CPQ: variants seen among roughly 807,000 people sequenced by gnomAD.
CPQ encodes carboxypeptidase Q, also known as Ser-Met dipeptidase.
Under a neutral mutation model 45.7 loss-of-function variants are expected in CPQ, and 37 were observed. The observed-to-expected ratio is 0.81, with a 90% CI of 0.62 to 1.07. The LOEUF (loss-of-function observed/expected upper bound fraction) is 1.07. Ranked by LOEUF, CPQ falls within the 50% of genes least tolerant of loss-of-function variation. The probability of loss-of-function intolerance (pLI) is 0.00; values close to 1 mark genes in which losing one functional copy is unlikely to be tolerated. For missense variants in CPQ, 537 were observed against 572.9 expected (o/e 0.94, Z 0.64); for synonymous variants, 186 against 205.8 (o/e 0.90, Z 0.82).
At chr8:96,684,163 G>A (rs1809192488) in intron 1 of CPQ, among the ~76,000 whole-genome samples, 1 of 152,096 alleles carries the variant, frequency 6.6e-6, no homozygotes, top group African/African-American at 2.4e-5. Flanking sequence ...CATAACAATT[G>A]CTTCTGATTT....
At chr8:96,907,829 T>C (rs1812598302) in intron 4 of CPQ, among the ~76,000 whole-genome samples, 2 of 152,186 alleles carry the variant, frequency 1.3e-5, no homozygotes, top group African/African-American at 2.4e-5. Context: ...CCTATCCTAC[T>C]GTTAATAAAT....
chr8:96,965,906 A>AT (rs764888520), intron 4 of CPQ, 29 bp from the exon 5 acceptor site: 1 of 1,447,488 alleles, frequency 6.9e-7, no homozygotes, highest in Non-Finnish European at 9.3e-7. Flanking sequence ...GCTTAGTTTT[A>AT]TTTTTTAACT....
At chr8:96,870,657 G>T (rs968077155) in intron 3 of CPQ, among the ~76,000 whole-genome samples, 2 of 151,914 alleles carry the variant, frequency 1.3e-5, no homozygotes, top group Admixed American at 6.6e-5. Context: ...TCCTTCACAG[G>T]GTTGTAATAA....
intron 7 of CPQ, among the ~76,000 whole-genome samples, chr8:97,084,836 G>GTC (rs1004495853): frequency 2.1e-4 from 32 of 151,278 alleles, no homozygotes; most frequent in African/African-American, 7.8e-4. Context: ...GTGTGTGTGT[G>GTC]TCTCTCTGTG....
In CPQ at chr8:96,880,572, T is replaced by TAC. The variant is rs1162658536; in HGVS notation, c.849+568_849+569insCA. ...ATATATATATATATATATATATATA[T>TAC]ATATACCATGGAATACTACCCAGCC... On this transcript the variant is annotated intron_variant, in intron 4 of 7. Coordinates refer to ENST00000220763, the MANE Select transcript of CPQ (RefSeq NM_016134.4). Among the ~76,000 whole-genome samples, 28 of 67,508 alleles carry TAC rather than the reference T, an allele frequency of 4.1e-4. 1 individual carries two copies. The highest frequency in any genetic ancestry group is 5.1e-4 in the Non-Finnish European group (17 of 33,212). 44.3% of individuals were successfully genotyped at this position (67,508 alleles called of 152,430 possible).
intron 1 of CPQ, among the ~76,000 whole-genome samples, chr8:96,663,947 A>C (rs967397330): frequency 6.6e-6 from 1 of 152,206 alleles, no homozygotes; most frequent in African/African-American, 2.4e-5. Flanking sequence ...TATAAATTAA[A>C]AAAAAACTGT....
Position 96,930,389 on chromosome 8 carries a change from T to C in CPQ, c.850-35546T>C, listed in dbSNP as rs529567909. Reference sequence around the variant, plus strand: ...TAGAGCATTTATCTCACTTGGTAGCTCCCCCAGTGGAATTGAAGTCCACAG... The same window carrying C: ...TAGAGCATTTATCTCACTTGGTAGCCCCCCCAGTGGAATTGAAGTCCACAG... On this transcript the variant is annotated intron_variant, in intron 4 of 7. Coordinates refer to ENST00000220763, the MANE Select transcript of CPQ (RefSeq NM_016134.4). Among the ~76,000 whole-genome samples, 6 of 152,270 alleles carry C rather than the reference T, an allele frequency of 3.9e-5. No homozygotes were observed. The East Asian group carries it at 5.8e-4, about 15-fold the overall frequency.
chr8:96,645,839 G>T (rs1286767543), intron 1 of CPQ, among the ~76,000 whole-genome samples: 1 of 150,760 alleles, frequency 6.6e-6, no homozygotes, highest in Non-Finnish European at 1.5e-5. Context: ...GGTTCCTTTC[G>T]CATTTTACCG....
chr8:96,785,291 A>T lies in CPQ; in HGVS notation c.394A>T (p.Ile132Phe). The T allele has an allele frequency of 6.2e-7, 1 of 1,612,142 alleles. No individual in the cohort carries two copies. Among genetic ancestry groups the T allele is most frequent in the Non-Finnish European group, 8.5e-7 (1 of 1,178,658 alleles). ...MLEPRIHKIA[I>F]LGLGSSIGTP... ...GGAGCCAAGAATTCATAAGATAGCC[A>T]TCCTGGGTCTTGGCAGCAGCATTGG... The change falls in exon 2 of 8, where the codon ATC becomes TTC. Residue 132 changes from isoleucine (I) to phenylalanine (F), a missense_variant. Ile to Phe is a conservative substitution (Grantham distance 21). Coordinates refer to ENST00000220763, the MANE Select transcript of CPQ (RefSeq NM_016134.4).
chr8:96,792,388 C>A (rs1254502293), intron 2 of CPQ, among the ~76,000 whole-genome samples: 3 of 152,208 alleles, frequency 2.0e-5, no homozygotes, highest in Non-Finnish European at 4.4e-5. Flanking sequence ...TCCCAGCAGA[C>A]ATAACTCTGG....
intron 5 of CPQ, among the ~76,000 whole-genome samples, chr8:96,986,339 T>C (rs1349823383): frequency 6.6e-6 from 1 of 152,220 alleles, no homozygotes; most frequent in African/African-American, 2.4e-5. Flanking sequence ...ATGTGTTCTT[T>C]TATGGTTTAT....
intron 5 of CPQ, among the ~76,000 whole-genome samples, chr8:97,015,995 G>C (rs895404298): frequency 6.6e-6 from 1 of 151,854 alleles, no homozygotes; most frequent in Non-Finnish European, 1.5e-5. Context: ...AGTTGTTTTG[G>C]TTTCTAATTT....
intron 4 of CPQ, among the ~76,000 whole-genome samples, chr8:96,889,481 G>A (rs1307731121): frequency 6.6e-6 from 1 of 152,122 alleles, no homozygotes; most frequent in Non-Finnish European, 1.5e-5. Flanking sequence ...GTGTATTAGG[G>A]TTCTCTAGAG....
At chr8:96,989,469 AG>A (rs1288025566) in intron 5 of CPQ, among the ~76,000 whole-genome samples, 1 of 56,998 alleles carries the variant, frequency 1.8e-5, no homozygotes, top group African/African-American at 6.7e-5. Context: ...AGCAGAGCGG[AG>A]GGGAGGGGAG....
intron 4 of CPQ, 135 bp from the exon 5 acceptor site, chr8:96,965,800 C>A: frequency 1.8e-6 from 1 of 549,758 alleles, no homozygotes; most frequent in South Asian, 3.0e-5. Flanking sequence ...AATAATGACA[C>A]ATATCTTTAA....
chr8:97,026,963 C>A (rs186719359), intron 5 of CPQ, among the ~76,000 whole-genome samples: 1 of 151,740 alleles, frequency 6.6e-6, no homozygotes, highest in Non-Finnish European at 1.5e-5. Flanking sequence ...TAGAGAATTT[C>A]GTCATTTTAA....
chr8:96,669,993 G>A (rs1390224636), intron 1 of CPQ, among the ~76,000 whole-genome samples: 3 of 152,174 alleles, frequency 2.0e-5, no homozygotes, highest in Non-Finnish European at 4.4e-5. Context: ...ACCTTACTGA[G>A]TATATATTAT....
At chr8:96,760,037 G>A (rs527669927) in intron 1 of CPQ, among the ~76,000 whole-genome samples, 1 of 152,302 alleles carries the variant, frequency 6.6e-6, no homozygotes, top group African/African-American at 2.4e-5. Flanking sequence ...AGGTTTCCCT[G>A]ATTTCAGGCC....
At chr8:96,725,068 T>C (rs1385965972) in intron 1 of CPQ, among the ~76,000 whole-genome samples, 4 of 152,094 alleles carry the variant, frequency 2.6e-5, no homozygotes, top group Admixed American at 6.5e-5. Flanking sequence ...TTTCACCACA[T>C]ACAAAAATTA....
Sources: gnomAD v4.1 joint callset for allele counts (sites outside exome capture counted in the v4.1 genomes callset) on GRCh38, gnomAD v4.1.1 for gene constraint, MANE v1.5 for transcripts, NCBI Gene and HGNC (gene_info 2026-07-23, HGNC 2026-07-21) for gene names.